Variants in GRM5 observed in about 807,000 individuals in gnomAD.
GRM5 encodes glutamate metabotropic receptor 5.
Under a neutral mutation model 83.1 loss-of-function variants are expected in GRM5, and 19 were observed. The observed-to-expected ratio is 0.23, with a 90% CI of 0.16 to 0.34. The LOEUF is 0.34. GRM5 is among the 10% of genes least tolerant of loss of function. The pLI, the probability that GRM5 is intolerant of heterozygous loss-of-function variation, is 1.00. For synonymous variants in GRM5, 675 were observed against 633.6 expected, an observed-to-expected ratio of 1.07 and a Z score of -0.98; for missense variants, 1,160 against 1,588.3, an observed-to-expected ratio of 0.73 and a Z score of 4.58.
At chr11:88,698,901 C>A (rs1159526408) in intron 3 of GRM5, among the ~76,000 whole-genome samples, 1 of 152,122 alleles carries the variant, frequency 6.6e-6, no homozygotes. Context: ...GTGGATTGAA[C>A]AAAGTGGAGA....
chr11:89,025,768 G>A (rs1174814895), intron 2 of GRM5, among the ~76,000 whole-genome samples: 2 of 152,134 alleles, frequency 1.3e-5, no homozygotes, highest in Non-Finnish European at 2.9e-5. Context: ...ATGCAAAACA[G>A]TTTGGTGATT....
Position 88,576,714 on chromosome 11 carries a change from G to C in GRM5, c.1691-8722C>G, listed in dbSNP as rs1420071669. ...ATTAAAGACCAATGACCTGAAAAAG[G>C]TCAGTGAAGCAATTTCTCAGAAATA... On this transcript the variant is annotated intron_variant, in intron 7 of 9. Transcript: ENST00000305447. 3.9e-5 allele frequency among the ~76,000 whole-genome samples: 6 copies of C among 152,106 alleles called. No individual in the cohort carries two copies. In the East Asian group the frequency reaches 1.2e-3, roughly 29 times the overall value.
At chr11:88,624,719 A>T (rs1032743624) in intron 4 of GRM5, among the ~76,000 whole-genome samples, 22 of 152,292 alleles carry the variant, frequency 1.4e-4, no homozygotes, top group African/African-American at 4.8e-4. Context: ...CATCAAGGGA[A>T]CCCTTATTGC....
intron 2 of GRM5, among the ~76,000 whole-genome samples, chr11:88,940,246 A>T (rs891491927): frequency 1.3e-5 from 2 of 149,566 alleles, no homozygotes; most frequent in Non-Finnish European, 3.0e-5. Context: ...TTGCAACATT[A>T]TTTAAGTGGC....
At chr11:88,528,856 A>G (rs1219655989) in intron 8 of GRM5, among the ~76,000 whole-genome samples, 1 of 152,090 alleles carries the variant, frequency 6.6e-6, no homozygotes, top group East Asian at 1.9e-4. Context: ...AGAGGCAGAC[A>G]CTGAAGATCA....
At chr11:89,007,277 G>C (rs1940556968) in intron 2 of GRM5, among the ~76,000 whole-genome samples, 1 of 152,164 alleles carries the variant, frequency 6.6e-6, no homozygotes, top group Non-Finnish European at 1.5e-5. Context: ...ATGACCCCAG[G>C]AGAGTAGTGA....
At position 88,990,011 on chromosome 11, in the gene GRM5, C is replaced by T. The variant is rs183908750; in HGVS notation, c.661+57201G>A. Reference sequence around the variant, plus strand: ...GCAGAAGGCAAGAAATAATTAAAATCAGAGCAGAACTGAAGGAAGTAGAGA... The same window carrying T: ...GCAGAAGGCAAGAAATAATTAAAATTAGAGCAGAACTGAAGGAAGTAGAGA... On this transcript the variant is annotated intron_variant, in intron 2 of 9. Coordinates refer to ENST00000305447, the MANE Select transcript of GRM5 (RefSeq NM_001143831.3). Among the ~76,000 whole-genome samples the T allele has an allele frequency of 5.3e-3, 811 of 151,694 alleles. 11 individuals carry two copies. Among genetic ancestry groups the T allele is most frequent in the African/African-American group, 0.018 (724 of 41,196 alleles).
intron 2 of GRM5, among the ~76,000 whole-genome samples, chr11:88,963,979 A>G (rs1193763886): frequency 6.6e-6 from 1 of 152,198 alleles, no homozygotes; most frequent in Admixed American, 6.5e-5. Context: ...CCCACAAGAG[A>G]TGAAGGACAC....
rs71046265 is a variant in GRM5 at position 88,845,423 on chromosome 11, CTTTTTTTTTT to C, written c.911+4473_911+4482del. On this transcript the variant is annotated intron_variant, in intron 3 of 9. Coordinates refer to ENST00000305447, the MANE Select transcript of GRM5 (RefSeq NM_001143831.3). ...AGGCTACAGTACAGTATAAACATAA[CTTTTTTTTTT>C]TTTTTTTTTTTTTTTTTTGAGACAG... 7.9e-3 allele frequency among the ~76,000 whole-genome samples: 726 copies of C among 92,416 alleles called. 9 individuals carry two copies. The highest frequency in any genetic ancestry group is 0.027 in the African/African-American group (598 of 22,224). 60.6% of individuals were successfully genotyped at this position (92,416 alleles called of 152,430 possible).
intron 3 of GRM5, among the ~76,000 whole-genome samples, chr11:88,823,586 A>C (rs554316176): frequency 6.6e-6 from 1 of 151,402 alleles, no homozygotes; most frequent in African/African-American, 2.4e-5. Flanking sequence ...TAGATTTTAC[A>C]TCAGGAAGTA....
intron 2 of GRM5, among the ~76,000 whole-genome samples, chr11:88,998,133 G>C (rs1742122137): frequency 6.7e-6 from 1 of 149,942 alleles, no homozygotes; most frequent in Admixed American, 6.7e-5. Flanking sequence ...GAAGGAAGAG[G>C]GGGAGGGAGG....
rs139587728 is a variant in GRM5, at chr11:88,524,362, C to G, written c.2726+947G>C. ...TCTCCTGAGTAGCTGGAATTACAAG[C>G]GTGTGCCACCATGCCCGGCTAATTT... On this transcript the variant is annotated intron_variant, in intron 9 of 9. Transcript: ENST00000305447. Among the ~76,000 whole-genome samples the G allele has an allele frequency of 9.9e-5, 15 of 151,964 alleles. No individual in the cohort carries two copies. The East Asian group carries it at 2.3e-3, about 24-fold the overall frequency.
At chr11:88,664,067 C>T (rs185955109) in intron 3 of GRM5, among the ~76,000 whole-genome samples, 456 of 152,202 alleles carry the variant, frequency 3.0e-3, no homozygotes, top group African/African-American at 0.011. Flanking sequence ...TAACATTGTA[C>T]TTGCTAAGTT....
intron 3 of GRM5, among the ~76,000 whole-genome samples, chr11:88,747,675 T>G (rs371868723): frequency 2.0e-5 from 3 of 149,008 alleles, no homozygotes; most frequent in African/African-American, 7.4e-5. Flanking sequence ...TAAGAAAAAG[T>G]GAGTGCAGTT....
At chr11:88,522,425 C>T (rs546345804) in intron 9 of GRM5, among the ~76,000 whole-genome samples, 2 of 152,118 alleles carry the variant, frequency 1.3e-5, no homozygotes, top group East Asian at 3.9e-4. Flanking sequence ...TATGTGTGTG[C>T]AGGCATGTGT....
chr11:88,986,316 T>C (rs1241894892), intron 2 of GRM5, among the ~76,000 whole-genome samples: 4 of 152,124 alleles, frequency 2.6e-5, no homozygotes, highest in Admixed American at 6.6e-5. Context: ...GGAGAACAGA[T>C]TGGTGGTTGA....
chr11:88,592,719 T>G (rs1225418450), intron 6 of GRM5, among the ~76,000 whole-genome samples: 1 of 152,256 alleles, frequency 6.6e-6, no homozygotes, highest in Non-Finnish European at 1.5e-5. Flanking sequence ...GTTTTCATAT[T>G]TTATGTTCTG....
intron 8 of GRM5, among the ~76,000 whole-genome samples, chr11:88,542,914 C>T (rs1591335820): frequency 6.6e-6 from 1 of 152,164 alleles, no homozygotes; most frequent in East Asian, 1.9e-4. Context: ...ACTAAAAATA[C>T]AAAATTAGCT....
chr11:88,624,996 T>C (rs751214824), intron 4 of GRM5, among the ~76,000 whole-genome samples: 133 of 152,346 alleles, frequency 8.7e-4, no homozygotes, highest in Non-Finnish European at 1.2e-4. Context: ...GGTTTACTTA[T>C]GTGATACAGT....
Sources: gnomAD v4.1 joint callset for allele counts (sites outside exome capture counted in the v4.1 genomes callset) on GRCh38, gnomAD v4.1.1 for gene constraint, MANE v1.5 for transcripts, NCBI Gene and HGNC (gene_info 2026-07-23, HGNC 2026-07-21) for gene names.